Variants in UNC5C observed in about 807,000 individuals in gnomAD.
UNC5C encodes the protein unc-5 netrin receptor C, also known as netrin receptor UNC5C.
UNC5C carries 47 observed loss-of-function variants against 99.8 expected under a neutral mutation model. The observed-to-expected ratio is 0.47, with a 90% CI of 0.37 to 0.60. The LOEUF (loss-of-function observed/expected upper bound fraction) is 0.60, where lower values mean the gene tolerates loss of function less well. UNC5C is among the 20% of genes least tolerant of loss of function. The pLI, the probability that UNC5C is intolerant of heterozygous loss-of-function variation, is 0.00. For synonymous variants in UNC5C, 487 were observed against 452.2 expected (o/e 1.08, Z -0.98); for missense variants, 1,062 against 1,165.9 (o/e 0.91, Z 1.30).
At chr4:95,386,955 C>T (rs974762247) in intron 1 of UNC5C, among the ~76,000 whole-genome samples, 6 of 152,102 alleles carry the variant, frequency 3.9e-5, no homozygotes, top group African/African-American at 1.2e-4. Flanking sequence ...TATGCCAAGG[C>T]TTGGACATTT....
At chr4:95,451,368 A>C (rs1747275193) in intron 1 of UNC5C, among the ~76,000 whole-genome samples, 1 of 152,202 alleles carries the variant, frequency 6.6e-6, no homozygotes, top group African/African-American at 2.4e-5. Context: ...CATATAAGAA[A>C]AAGTAGTCTG....
chr4:95,372,543 T>G (rs1744777784), intron 1 of UNC5C, among the ~76,000 whole-genome samples: 1 of 152,214 alleles, frequency 6.6e-6, no homozygotes, highest in Non-Finnish European at 1.5e-5. Context: ...TTCCTCTTAT[T>G]GTTATTCCAT....
intron 1 of UNC5C, among the ~76,000 whole-genome samples, chr4:95,407,597 T>C (rs540006719): frequency 3.3e-5 from 5 of 152,128 alleles, no homozygotes; most frequent in African/African-American, 1.2e-4. Flanking sequence ...TAGGGATACA[T>C]TAATTTTAGT....
intron 1 of UNC5C, among the ~76,000 whole-genome samples, chr4:95,363,277 A>G (rs551544042): frequency 6.6e-5 from 10 of 152,154 alleles, no homozygotes; most frequent in Non-Finnish European, 1.3e-4. Flanking sequence ...CTGTGCTATC[A>G]TTTGTTAGTG....
At chr4:95,463,399 A>T (rs1040727933) in intron 1 of UNC5C, among the ~76,000 whole-genome samples, 4 of 152,134 alleles carry the variant, frequency 2.6e-5, no homozygotes, top group African/African-American at 9.7e-5. Flanking sequence ...AAGCCCAACC[A>T]TGCCATGAAT....
intron 1 of UNC5C, among the ~76,000 whole-genome samples, chr4:95,514,612 G>A (rs140350249): frequency 5.4e-5 from 8 of 149,256 alleles, no homozygotes; most frequent in African/African-American, 1.7e-4. Flanking sequence ...TGTTCTATAA[G>A]AGCAGCAATA....
intron 2 of UNC5C, among the ~76,000 whole-genome samples, chr4:95,325,191 C>T (rs1000858329): frequency 3.3e-5 from 5 of 152,086 alleles, no homozygotes; most frequent in African/African-American, 1.2e-4. Flanking sequence ...AAGATAAGAT[C>T]AAGCAGGATG....
chr4:95,306,275 T>C (rs1742059326), intron 2 of UNC5C, among the ~76,000 whole-genome samples: 1 of 152,160 alleles, frequency 6.6e-6, no homozygotes, highest in Non-Finnish European at 1.5e-5. Context: ...CGATCTTGGC[T>C]CACTGCAAGC....
intron 1 of UNC5C, among the ~76,000 whole-genome samples, chr4:95,512,304 A>G (rs1261967772): frequency 6.6e-6 from 1 of 152,226 alleles, no homozygotes; most frequent in Non-Finnish European, 1.5e-5. Context: ...TGATGAAGGT[A>G]TGAGAAGTGG....
intron 1 of UNC5C, among the ~76,000 whole-genome samples, chr4:95,480,744 C>T (rs532357344): frequency 4.5e-4 from 69 of 151,976 alleles, no homozygotes; most frequent in Admixed American, 1.1e-3. Flanking sequence ...ATAAACAAAA[C>T]AAAAGAAAAA....
Position 95,426,567 on chromosome 4 carries a change from CCAAA to C in UNC5C, c.125-90940_125-90937del, listed in dbSNP as rs1357592840. ...GAGGCTGAAAGCTAGGCCTCTTGTG[CCAAA>C]CAGTTAACTGAGTTGTGAATGCAAA... On this transcript the variant is annotated intron_variant, in intron 1 of 15. Coordinates refer to ENST00000453304, the MANE Select transcript of UNC5C (RefSeq NM_003728.4). 2.6e-5 allele frequency among the ~76,000 whole-genome samples: 4 copies of C among 152,314 alleles called. No individual in the cohort carries two copies. In the East Asian group the frequency reaches 7.7e-4, roughly 29 times the overall value.
intron 4 of UNC5C, among the ~76,000 whole-genome samples, chr4:95,255,115 G>T (rs929066784): frequency 7.9e-5 from 12 of 151,992 alleles, no homozygotes; most frequent in African/African-American, 2.9e-4. Context: ...GAGTAGCTGG[G>T]ATTACAGGTG....
intron 1 of UNC5C, among the ~76,000 whole-genome samples, chr4:95,379,793 C>T (rs1560811120): frequency 6.6e-6 from 1 of 152,040 alleles, no homozygotes; most frequent in East Asian, 1.9e-4. Context: ...ACTTCTTAGG[C>T]GCGATAAGGA....
chr4:95,485,968 C>T (rs901068903), intron 1 of UNC5C, among the ~76,000 whole-genome samples: 3 of 151,448 alleles, frequency 2.0e-5, no homozygotes, highest in African/African-American at 7.3e-5. Flanking sequence ...AGTTGCATGA[C>T]ATAAAATGAT....
chr4:95,311,221 C>G (rs866069189), intron 2 of UNC5C, among the ~76,000 whole-genome samples: 3 of 152,118 alleles, frequency 2.0e-5, no homozygotes, highest in Admixed American at 6.6e-5. Context: ...AGAAGACTTT[C>G]TGATACTAAA....
intron 7 of UNC5C, among the ~76,000 whole-genome samples, chr4:95,224,727 AAAT>A (rs1738611457): frequency 6.6e-6 from 1 of 152,206 alleles, no homozygotes; most frequent in Non-Finnish European, 1.5e-5. Context: ...GTTTAACAGA[AAAT>A]AAGCAAGTAA....
chr4:95,242,331 G>A, intron 7 of UNC5C, 98 bp downstream of exon 7: 4 of 1,485,270 alleles, frequency 2.7e-6, no homozygotes, highest in South Asian at 1.3e-5. Flanking sequence ...TTTTATTGTT[G>A]TTGAAAGAAT....
intron 1 of UNC5C, among the ~76,000 whole-genome samples, chr4:95,480,604 T>C (rs1721108778): frequency 6.6e-6 from 1 of 151,926 alleles, no homozygotes; most frequent in Non-Finnish European, 1.5e-5. Context: ...CAGAAGCAGC[T>C]CTCACAAGTT....
chr4:95,256,084 C>G (rs1168786420), intron 4 of UNC5C, among the ~76,000 whole-genome samples: 1 of 152,100 alleles, frequency 6.6e-6, no homozygotes, highest in Non-Finnish European at 1.5e-5. Context: ...TGGGTTTTGT[C>G]CTACATTGCT....
Sources: gnomAD v4.1 joint callset for allele counts (sites outside exome capture counted in the v4.1 genomes callset) on GRCh38, gnomAD v4.1.1 for gene constraint, MANE v1.5 for transcripts, NCBI Gene and HGNC (gene_info 2026-07-23, HGNC 2026-07-21) for gene names.